Variants in PARVA observed in about 807,000 individuals in gnomAD.
PARVA encodes the protein parvin alpha, also known as alpha-parvin.
A neutral mutation model predicts 52.6 loss-of-function variants in PARVA; 25 were observed. That is an observed-to-expected ratio of 0.48 (90% CI 0.35 to 0.66). The LOEUF (loss-of-function observed/expected upper bound fraction) is 0.66, where lower values mean the gene tolerates loss of function less well. Among genes scored for constraint, PARVA ranks in the 30% least tolerant of loss-of-function variants. PARVA has a pLI of 0.01. For missense variants in PARVA, 373 were observed against 450.9 expected (o/e 0.83, Z 1.56); for synonymous variants, 185 against 179.1 (o/e 1.03, Z -0.26).
chr11:12,525,480 T>C lies in PARVA; in HGVS notation c.1043-2369T>C, dbSNP rs547628232. On this transcript the variant is annotated intron_variant, in intron 12 of 12. Transcript: ENST00000334956. ...CTTTACCTTCCCCTTTACACCCAAC[T>C]CCCTTGGCAAGCTCACCTTTGCCCC... Among the ~76,000 whole-genome samples the C allele has an allele frequency of 7.9e-5, 12 of 151,946 alleles. 1 individual carries two copies. The South Asian group carries it at 2.5e-3, about 32-fold the overall frequency.
chr11:12,406,506 AT>A lies in PARVA; in HGVS notation c.136+28734del, dbSNP rs56101389. ...CTGCATATCCCACTTTTGTATTTTG[AT>A]TTTTTTTTTTACTTTACATGTCATG... On this transcript the variant is annotated intron_variant, in intron 1 of 12. Transcript: ENST00000334956. Among the ~76,000 whole-genome samples the A allele has an allele frequency of 1.6e-3, 243 of 150,736 alleles. 2 individuals are homozygous for A. Among genetic ancestry groups the A allele is most frequent in the African/African-American group, 5.0e-3 (207 of 41,024 alleles).
intron 1 of PARVA, among the ~76,000 whole-genome samples, chr11:12,458,305 C>T (rs1315784253): frequency 6.6e-6 from 1 of 152,226 alleles, no homozygotes; most frequent in African/African-American, 2.4e-5. Context: ...AGGACAGTGT[C>T]ATACCCTACT....
At chr11:12,465,553 C>T (rs959651746) in intron 1 of PARVA, among the ~76,000 whole-genome samples, 1 of 152,102 alleles carries the variant, frequency 6.6e-6, no homozygotes, top group Admixed American at 6.5e-5. Context: ...AGCATTTTCC[C>T]CCATTTATCT....
chr11:12,511,083 C>T (rs1462817277), intron 7 of PARVA, among the ~76,000 whole-genome samples: 1 of 152,094 alleles, frequency 6.6e-6, no homozygotes, highest in Non-Finnish European at 1.5e-5. Context: ...CTGACCTGCC[C>T]ACAGCAACCT....
upstream of PARVA, among the ~76,000 whole-genome samples, chr11:12,377,029 A>AT (rs1245778838): frequency 1.3e-5 from 2 of 152,152 alleles, no homozygotes. Context: ...TCAGTCTTGG[A>AT]TGGGAGTAGA....
intron 1 of PARVA, among the ~76,000 whole-genome samples, chr11:12,433,071 C>G (rs553465882): frequency 6.6e-6 from 1 of 152,292 alleles, no homozygotes; most frequent in South Asian, 2.1e-4. Context: ...TCTTAATGAC[C>G]TATTTGAAGA....
At chr11:12,430,273 G>T (rs6485735) in intron 1 of PARVA, among the ~76,000 whole-genome samples, 50,728 of 152,022 alleles carry the variant, frequency 0.33, 9,877 homozygotes, top group East Asian at 0.54. Flanking sequence ...GTGATGAGTT[G>T]TGAGTATTAC....
At chr11:12,454,639 A>G (rs1589963567) in intron 1 of PARVA, among the ~76,000 whole-genome samples, 1 of 152,214 alleles carries the variant, frequency 6.6e-6, no homozygotes, top group Non-Finnish European at 1.5e-5. Context: ...ACAAAGGTAG[A>G]TAGTGTAATA....
At chr11:12,494,209 A>G (rs1374118408) in intron 4 of PARVA, among the ~76,000 whole-genome samples, 2 of 152,248 alleles carry the variant, frequency 1.3e-5, no homozygotes, top group Non-Finnish European at 2.9e-5. Flanking sequence ...TTTACCAACC[A>G]GGAAGCTCTC....
chr11:12,377,510 G>C, upstream of PARVA: 1 of 1,418,960 alleles, frequency 7.0e-7, no homozygotes, highest in South Asian at 1.4e-5. Flanking sequence ...AGGGAAAGGC[G>C]AGCGTGAGCT....
chr11:12,448,534 G>C (rs1450400410), intron 1 of PARVA, among the ~76,000 whole-genome samples: 5 of 152,156 alleles, frequency 3.3e-5, no homozygotes, highest in Middle Eastern at 3.2e-3. Flanking sequence ...TCTTGGACAG[G>C]GATTCATCAA....
intron 5 of PARVA, 34 bp downstream of exon 5, chr11:12,496,632 C>G (rs1204399495): frequency 6.3e-7 from 1 of 1,599,072 alleles, no homozygotes; most frequent in Non-Finnish European, 8.5e-7. Context: ...CACCATTAAA[C>G]AATGCCTGTG....
At chr11:12,514,909 T>G (rs896282644) in intron 10 of PARVA, among the ~76,000 whole-genome samples, 7 of 152,254 alleles carry the variant, frequency 4.6e-5, no homozygotes, top group African/African-American at 1.7e-4. Context: ...TTAGTCTCTT[T>G]TTAACGTAGA....
chr11:12,418,559 A>G (rs1214354259), intron 1 of PARVA, among the ~76,000 whole-genome samples: 1 of 152,130 alleles, frequency 6.6e-6, no homozygotes, highest in South Asian at 2.1e-4. Flanking sequence ...TGCCTGCCAC[A>G]GCCTCCCCCA....
chr11:12,512,833 T>C lies in PARVA; in HGVS notation c.737-466T>C, dbSNP rs1053025731. On this transcript the variant is annotated intron_variant, in intron 8 of 12. Transcript: ENST00000334956. ...AAGAGGAAGAGCTCATATCCCATCC[T>C]GGAGCTCCCTGGCTCCCAGCCCTCT... 2.0e-5 allele frequency among the ~76,000 whole-genome samples: 3 copies of C among 152,012 alleles called. No individual in the cohort carries two copies. The South Asian group carries it at 6.2e-4, about 32-fold the overall frequency.
chr11:12,518,888 G>A (rs1001795377), intron 12 of PARVA, among the ~76,000 whole-genome samples: 7 of 152,186 alleles, frequency 4.6e-5, no homozygotes, highest in Admixed American at 3.9e-4. Flanking sequence ...GACAGTTCTG[G>A]GCTGAGCAAA....
intron 1 of PARVA, among the ~76,000 whole-genome samples, chr11:12,380,675 C>T (rs553385812): frequency 6.0e-5 from 9 of 150,650 alleles, no homozygotes; most frequent in Admixed American, 4.6e-4. Flanking sequence ...CAGACCCGCT[C>T]GAAGTGAGCT....
chr11:12,415,928 C>T (rs1310786055), intron 1 of PARVA, among the ~76,000 whole-genome samples: 1 of 152,194 alleles, frequency 6.6e-6, no homozygotes, highest in African/African-American at 2.4e-5. Flanking sequence ...GGTGAAAAGG[C>T]GTAGCGCCTT....
intron 1 of PARVA, among the ~76,000 whole-genome samples, chr11:12,469,785 T>C (rs536265817): frequency 1.5e-4 from 23 of 152,352 alleles, no homozygotes; most frequent in African/African-American, 4.6e-4. Context: ...CTTGGATTTG[T>C]TATGTCTCTG....
Sources: gnomAD v4.1 joint callset for allele counts (sites outside exome capture counted in the v4.1 genomes callset) on GRCh38, gnomAD v4.1.1 for gene constraint, MANE v1.5 for transcripts, NCBI Gene and HGNC (gene_info 2026-07-23, HGNC 2026-07-21) for gene names.